Variants in STPG2 observed in about 807,000 individuals in gnomAD.
STPG2 encodes the protein sperm tail PG-rich repeat containing 2, also known as sperm-tail PG-rich repeat-containing protein 2.
Under a neutral mutation model 54.2 loss-of-function variants are expected in STPG2, and 56 were observed. The observed-to-expected ratio is 1.03, with a 90% CI of 0.83 to 1.29. The LOEUF is 1.29. STPG2 is among the 50% of genes most tolerant of loss of function. The pLI is 0.00. For missense variants in STPG2, 596 were observed against 544.9 expected, an observed-to-expected ratio of 1.09 and a Z score of -0.93; for synonymous variants, 200 against 181.8, an observed-to-expected ratio of 1.10 and a Z score of -0.81.
chr4:97,986,355 A>T (rs1021192742), intron 5 of STPG2, among the ~76,000 whole-genome samples: 2 of 152,190 alleles, frequency 1.3e-5, no homozygotes, highest in Admixed American at 6.5e-5. Flanking sequence ...TTGCCTTACA[A>T]ATATGTTAGA....
At chr4:97,570,750 GT>G (rs995561527) in intron 10 of STPG2, among the ~76,000 whole-genome samples, 1 of 151,800 alleles carries the variant, frequency 6.6e-6, no homozygotes, top group African/African-American at 2.4e-5. Context: ...AGACTCAAAG[GT>G]TTTTTTCCTT....
At chr4:97,885,490 G>T (rs1730529051) in intron 8 of STPG2, among the ~76,000 whole-genome samples, 1 of 152,120 alleles carries the variant, frequency 6.6e-6, no homozygotes, top group Admixed American at 6.6e-5. Context: ...GAAAATATTG[G>T]TGATATTCAA....
intron 6 of STPG2, among the ~76,000 whole-genome samples, chr4:97,978,228 T>A (rs1027193516): frequency 6.6e-6 from 1 of 152,172 alleles, no homozygotes; most frequent in Admixed American, 6.5e-5. Context: ...TGTATGTTCA[T>A]TGAGACACTA....
intron 9 of STPG2, among the ~76,000 whole-genome samples, chr4:97,739,571 G>A (rs1170374962): frequency 6.6e-5 from 10 of 152,160 alleles, no homozygotes; most frequent in Admixed American, 3.9e-4. Flanking sequence ...TACCATCAGA[G>A]AATACTACAA....
intron 9 of STPG2, among the ~76,000 whole-genome samples, chr4:97,828,516 A>G (rs1182150363): frequency 6.6e-6 from 1 of 151,868 alleles, no homozygotes; most frequent in Non-Finnish European, 1.5e-5. Context: ...CCATATCCCA[A>G]TGGCAACTGG....
At chr4:98,018,644 A>G (rs1480579999) in intron 5 of STPG2, among the ~76,000 whole-genome samples, 1 of 151,902 alleles carries the variant, frequency 6.6e-6, no homozygotes, top group Non-Finnish European at 1.5e-5. Context: ...ACAGTGTAAA[A>G]GTGTTCCTAT....
intron 8 of STPG2, among the ~76,000 whole-genome samples, chr4:97,918,600 C>A (rs1375478935): frequency 1.3e-5 from 2 of 151,784 alleles, no homozygotes; most frequent in Non-Finnish European, 2.9e-5. Context: ...TATATATACA[C>A]ACACACATAC....
intron 5 of STPG2, among the ~76,000 whole-genome samples, chr4:97,983,758 C>CTTCTTA (rs1560622499): frequency 6.6e-6 from 1 of 152,094 alleles, no homozygotes; most frequent in African/African-American, 2.4e-5. Flanking sequence ...GGTATCTTTG[C>CTTCTTA]TTCTTAGTTC....
At chr4:98,055,345 C>G (rs62321564) in intron 5 of STPG2, among the ~76,000 whole-genome samples, 59,718 of 151,294 alleles carry the variant, frequency 0.39, 12,014 homozygotes, top group Middle Eastern at 0.46. Flanking sequence ...GAGATGACTG[C>G]CATGTTTTTT....
At chr4:98,092,537 T>C (rs536347682) in intron 5 of STPG2, among the ~76,000 whole-genome samples, 1 of 152,136 alleles carries the variant, frequency 6.6e-6, no homozygotes, top group East Asian at 1.9e-4. Context: ...AATGTTTACA[T>C]TGAAATTAAT....
intron 10 of STPG2, among the ~76,000 whole-genome samples, chr4:97,634,711 G>A (rs901086447): frequency 3.9e-5 from 6 of 152,136 alleles, no homozygotes; most frequent in Middle Eastern, 3.4e-3. Flanking sequence ...CTCAGGAGCC[G>A]ATGCAATCAA....
chr4:97,669,409 A>G (rs1476516078), intron 10 of STPG2, among the ~76,000 whole-genome samples: 2 of 152,234 alleles, frequency 1.3e-5, no homozygotes, highest in Non-Finnish European at 2.9e-5. Context: ...GAGAATAATA[A>G]GAAAACCAGT....
intron 8 of STPG2, among the ~76,000 whole-genome samples, chr4:97,918,596 T>TAC (rs767565437): frequency 1.4e-4 from 22 of 151,826 alleles, no homozygotes; most frequent in Admixed American, 3.3e-4. Flanking sequence ...CACATATATA[T>TAC]ACACACACAC....
intron 8 of STPG2, among the ~76,000 whole-genome samples, chr4:97,844,368 T>A (rs1197144872): frequency 1.3e-5 from 2 of 151,922 alleles, no homozygotes; most frequent in Non-Finnish European, 2.9e-5. Context: ...CAGAAAAAAA[T>A]TTTCCTTTAC....
intron 10 of STPG2, among the ~76,000 whole-genome samples, chr4:97,614,139 T>G (rs949403068): frequency 2.6e-5 from 4 of 152,028 alleles, no homozygotes; most frequent in Non-Finnish European, 5.9e-5. Context: ...TAAAATTCAT[T>G]TATTAATATG....
At chr4:97,949,905 A>G (rs1258448357) in intron 7 of STPG2, among the ~76,000 whole-genome samples, 1 of 152,020 alleles carries the variant, frequency 6.6e-6, no homozygotes, top group African/African-American at 2.4e-5. Flanking sequence ...TGTTTTTGCA[A>G]TGAATCTCAC....
chr4:97,851,737 A>C (rs1195545324), intron 8 of STPG2, among the ~76,000 whole-genome samples: 2 of 152,190 alleles, frequency 1.3e-5, no homozygotes, highest in Non-Finnish European at 2.9e-5. Flanking sequence ...TTAATATTTA[A>C]TGTGAGATGC....
intron 9 of STPG2, among the ~76,000 whole-genome samples, chr4:97,750,187 T>C (rs1027526746): frequency 9.9e-5 from 15 of 151,816 alleles, no homozygotes; most frequent in Non-Finnish European, 1.9e-4. Flanking sequence ...GTCCTTTCAC[T>C]GATAGAGCCC....
chr4:97,844,098 C>A (rs929042490), intron 8 of STPG2, among the ~76,000 whole-genome samples: 1 of 151,798 alleles, frequency 6.6e-6, no homozygotes, highest in Non-Finnish European at 1.5e-5. Context: ...CATGAAACCT[C>A]CTAATTTCAT....
Sources: allele counts gnomAD v4.1 joint callset (sites outside exome capture counted in the v4.1 genomes callset), GRCh38; gene constraint gnomAD v4.1.1; transcripts MANE v1.5; gene names NCBI Gene and HGNC (gene_info 2026-07-23, HGNC 2026-07-21).